The following ITSN2 variants were observed in gnomAD, a reference collection of about 807,000 sequenced individuals.
ITSN2 encodes the protein intersectin 2.
In ITSN2, 156 loss-of-function variants were observed where a neutral mutation model predicts 243.7. That is an observed-to-expected ratio of 0.64 (90% CI 0.56 to 0.73). The LOEUF is 0.73. Among genes scored for constraint, ITSN2 ranks in the 30% least tolerant of loss-of-function variants. The pLI is 0.00. For missense variants in ITSN2, 1,801 were observed against 1,996.1 expected (o/e 0.90, Z 1.86); for synonymous variants, 703 against 699.9 (o/e 1.00, Z -0.07).
chr2:24,306,643 T>G (rs1574247156), intron 8 of ITSN2, among the ~76,000 whole-genome samples: 2 of 152,284 alleles, frequency 1.3e-5, no homozygotes, highest in South Asian at 4.1e-4. Flanking sequence ...AAATGTCTTT[T>G]TCATCAACTT....
chr2:24,351,866 G>A (rs894336032), intron 1 of ITSN2, among the ~76,000 whole-genome samples: 12 of 152,146 alleles, frequency 7.9e-5, no homozygotes, highest in African/African-American at 2.9e-4. Flanking sequence ...AGAGTAGTGA[G>A]GCTGGCAATT....
chr2:24,300,192 A>G, intron 11 of ITSN2, 21 bp from the exon 12 acceptor site: 7 of 1,613,302 alleles, frequency 4.3e-6, no homozygotes, highest in Non-Finnish European at 5.9e-6. Flanking sequence ...TATGCCTATC[A>G]GCATCCACAC....
intron 1 of ITSN2, among the ~76,000 whole-genome samples, chr2:24,333,708 G>A (rs1343713910): frequency 4.6e-5 from 7 of 152,160 alleles, no homozygotes; most frequent in African/African-American, 1.7e-4. Flanking sequence ...TAATTCAGTT[G>A]CCATTTGGAG....
chr2:24,332,322 G>A (rs1343814491), intron 1 of ITSN2, among the ~76,000 whole-genome samples: 2 of 151,778 alleles, frequency 1.3e-5, no homozygotes, highest in South Asian at 4.2e-4. Flanking sequence ...TTTACGGAAA[G>A]TATCTTTAAT....
At chr2:24,296,687 G>A (rs954278297) in intron 13 of ITSN2, among the ~76,000 whole-genome samples, 7 of 152,208 alleles carry the variant, frequency 4.6e-5, no homozygotes, top group African/African-American at 1.7e-4. Flanking sequence ...CTTAGGAGCT[G>A]TGAAAAAATT....
chr2:24,252,607 G>GCTGTAAAAGAC, intron 24 of ITSN2, 96 bp from the exon 25 acceptor site: 4 of 804,074 alleles, frequency 5.0e-6, no homozygotes, highest in Non-Finnish European at 1.8e-6. Context: ...GTATAAGTTT[G>GCTGTAAAAGAC]CTGTAAAAGA....
intron 8 of ITSN2, 68 bp from the exon 9 acceptor site, chr2:24,303,930 T>C (rs1419024907): frequency 9.4e-7 from 1 of 1,064,186 alleles, no homozygotes; most frequent in East Asian, 2.4e-5. Context: ...ACAAATTAGC[T>C]GTATCTGTAA....
Position 24,310,619 on chromosome 2 carries a change from A to T in ITSN2, c.426T>A (p.Ser142=). The T allele has an allele frequency of 6.2e-7, 1 of 1,614,220 alleles. No homozygotes were observed. The highest frequency in any genetic ancestry group is 8.5e-7 in the Non-Finnish European group (1 of 1,180,032). ...PPAAPITSLS[S]ATSGTNLPPL... ...GAGGAAGGTTGGTCCCTGAAGTCGCAGAAGACAATGATGTTATAGGTGCAG... is the reference window on the plus strand; with the variant it reads ...GAGGAAGGTTGGTCCCTGAAGTCGCTGAAGACAATGATGTTATAGGTGCAG... The change falls in exon 6 of 40, where the codon TCT becomes TCA. Residue 142 remains serine, a synonymous_variant. Transcript: ENST00000355123.
Position 24,210,940 on chromosome 2 carries a change from T to C in ITSN2, c.4097A>G (p.Glu1366Gly). ...RYPLLIRSIL[E>G]NTPESHADHS... ...GTCTGCATGGCTCTCCGGGGTGTTC[T>C]CCAGAATCTGGAAAAGAGTGGGCAG... Residue 1366 changes from glutamate to glycine, a missense_variant, in exon 34 of 40, where the codon GAG (glutamate) becomes GGG (glycine). Around this residue, in one of 5 missense-constraint regions of ITSN2, gnomAD observed 928 missense variants for 1,065.4 expected, o/e 0.87. Coordinates refer to ENST00000355123, the MANE Select transcript of ITSN2 (RefSeq NM_006277.3). The C allele has an allele frequency of 6.2e-7, 1 of 1,614,106 alleles. No individual in the cohort carries two copies. Among genetic ancestry groups the C allele is most frequent in the Non-Finnish European group, 8.5e-7 (1 of 1,179,970 alleles).
At position 24,221,224 on chromosome 2, in the gene ITSN2, G is replaced by A. The variant is rs900939884; in HGVS notation, c.3578-158C>T. ...AACTTCTGCAGAGCAGCATGCGTAC[G>A]CGGAGAGTTGGCATTAATGAGCCGG... On this transcript the variant is annotated intron_variant, in intron 29 of 39. Coordinates refer to ENST00000355123, the MANE Select transcript of ITSN2 (RefSeq NM_006277.3). 334 of 689,262 alleles carry A rather than the reference G, an allele frequency of 4.8e-4. 2 individuals are homozygous for A. Among genetic ancestry groups the A allele is most frequent in the Middle Eastern group, 1.2e-3 (3 of 2,432 alleles). 42.7% of individuals were successfully genotyped at this position (689,262 alleles called of 1,614,324 possible). A position where few individuals can be genotyped will look rare whatever the true frequency, so the allele number is the denominator to read the frequency against.
intron 8 of ITSN2, 136 bp from the exon 9 acceptor site, chr2:24,303,998 G>A (rs185494001): frequency 3.0e-6 from 2 of 656,912 alleles, no homozygotes; most frequent in Non-Finnish European, 5.5e-6. Context: ...TTTTTACCAC[G>A]TGCTAGGTGC....
At chr2:24,337,317 T>TATATATATATATAC (rs1553395899) in intron 1 of ITSN2, among the ~76,000 whole-genome samples, 6,598 of 48,894 alleles carry the variant, frequency 0.13, 1,641 homozygotes, top group East Asian at 0.34. Context: ...ATACACAAAA[T>TATATATATATATAC]ATATATATAT....
rs1454922582 is a variant in ITSN2 at position 24,286,298 on chromosome 2, G to A, written c.1777C>T (p.Gln593Ter). 2 of 1,605,278 alleles carry A rather than the reference G, an allele frequency of 1.2e-6. No homozygotes were observed. The highest frequency in any genetic ancestry group is 1.7e-6 in the Non-Finnish European group (2 of 1,172,638). ...KKSLEKEELC[Q>*]RLKEQLDALE... is the part of the protein sequence containing the mutation. ...GCATCTAACTGTTCTTTAAGTCTTT[G>A]GCATAATTCTTCCTTTTCTAATGAT... Residue 593 changes from glutamine (Q) to a stop codon, truncating the protein, a stop_gained, in exon 16 of 40, where the codon CAA (glutamine) becomes TAA (stop). Transcript: ENST00000355123. LOFTEE classifies it high-confidence loss of function.
At chr2:24,215,272 T>C (rs1669849617) in intron 32 of ITSN2, among the ~76,000 whole-genome samples, 1 of 152,252 alleles carries the variant, frequency 6.6e-6, no homozygotes, top group African/African-American at 2.4e-5. Context: ...ATTATCCTAA[T>C]TCCTGGTATC....
At chr2:24,316,075 T>G (rs1683888860) in intron 2 of ITSN2, among the ~76,000 whole-genome samples, 1 of 152,124 alleles carries the variant, frequency 6.6e-6, no homozygotes, top group African/African-American at 2.4e-5. Flanking sequence ...TAAGAACATT[T>G]CACACCATAA....
At chr2:24,303,718 C>G in intron 9 of ITSN2, 81 bp downstream of exon 9, 1 of 936,250 alleles carries the variant, frequency 1.1e-6, no homozygotes, top group Non-Finnish European at 1.7e-6. Context: ...GAAACAGTAT[C>G]TTTCTTGTAA....
intron 8 of ITSN2, among the ~76,000 whole-genome samples, chr2:24,304,323 C>T (rs1682206501): frequency 1.3e-5 from 2 of 152,332 alleles, no homozygotes; most frequent in Admixed American, 1.3e-4. Flanking sequence ...ATTACATCTG[C>T]CAACACTGCC....
At chr2:24,266,251 C>CT (rs369141564) in intron 20 of ITSN2, among the ~76,000 whole-genome samples, 1 of 151,922 alleles carries the variant, frequency 6.6e-6, no homozygotes, top group Non-Finnish European at 1.5e-5. Context: ...ATACACATTT[C>CT]TTTTTTTTCC....
At chr2:24,333,164 G>A (rs1395706118) in intron 1 of ITSN2, among the ~76,000 whole-genome samples, 1 of 152,190 alleles carries the variant, frequency 6.6e-6, no homozygotes, top group Non-Finnish European at 1.5e-5. Flanking sequence ...TTAAGCCCAT[G>A]AACTTCCCAT....
Sources: allele counts gnomAD v4.1 joint callset (sites outside exome capture counted in the v4.1 genomes callset), GRCh38; gene constraint gnomAD v4.1.1; regional missense constraint gnomAD v4.1.1; transcripts MANE v1.5; gene names NCBI Gene and HGNC (gene_info 2026-07-23, HGNC 2026-07-21).